GPHN: variants seen among roughly 807,000 people sequenced by gnomAD.
The protein encoded by GPHN is gephyrin.
In GPHN, 17 loss-of-function variants were observed where a neutral mutation model predicts 95.5. The observed-to-expected ratio is 0.18, with a 90% CI of 0.12 to 0.27. GPHN has a LOEUF of 0.27. GPHN is among the 10% of genes least tolerant of loss of function. GPHN has a pLI of 1.00. For synonymous variants in GPHN, 320 were observed against 322.5 expected (o/e 0.99, Z 0.08); for missense variants, 660 against 978.1 (o/e 0.67, Z 4.34).
At chr14:67,270,201 G>C in the GPHN span, 1 of 152,104 alleles carries the variant, frequency 6.6e-6, no homozygotes, top group African/African-American at 2.4e-5. Context: ...ATTTGCACTT[G>C]TTGTGAAGCT....
intron 2 of GPHN, among the ~76,000 whole-genome samples, chr14:66,743,685 T>G (rs2073000113): frequency 6.6e-6 from 1 of 152,180 alleles, no homozygotes; most frequent in African/African-American, 2.4e-5. Context: ...GTGCTTGCAG[T>G]GAGCGGAGAT....
At chr14:66,607,664 T>C (rs1051383918) in intron 1 of GPHN, among the ~76,000 whole-genome samples, 11 of 151,986 alleles carry the variant, frequency 7.2e-5, no homozygotes, top group African/African-American at 2.7e-4. Flanking sequence ...TTTTAATTAC[T>C]GACTCAAATT....
chr14:67,358,208 T>C, the GPHN span, among the ~76,000 whole-genome samples: 1 of 152,174 alleles, frequency 6.6e-6, no homozygotes, highest in Admixed American at 6.5e-5. Context: ...AGTCATCACG[T>C]CCTAGGAGTT....
chr14:67,578,132 G>A, the GPHN span: 2 of 1,613,974 alleles, frequency 1.2e-6, no homozygotes, highest in Non-Finnish European at 1.7e-6. The surrounding 1 kb of genome is among the most constrained non-coding windows in gnomAD (Gnocchi z 5.0). Flanking sequence ...GAGCTGCAGA[G>A]TGAGATCTAC....
At chr14:67,427,493 TCTGGAATCCCAACACC>T in the GPHN span, among the ~76,000 whole-genome samples, 2 of 152,280 alleles carry the variant, frequency 1.3e-5, no homozygotes, top group Admixed American at 1.3e-4. Flanking sequence ...GTCGTTGTTC[TCTGGAATCCCAACACC>T]CTGCCGCGAA....
chr14:67,687,424 ATTCTCCTCC>A, the GPHN span, among the ~76,000 whole-genome samples: 1 of 148,446 alleles, frequency 6.7e-6, no homozygotes, highest in South Asian at 2.1e-4. Flanking sequence ...ACCTTTGTAC[ATTCTCCTCC>A]TTCTGCCTGG....
chr14:66,871,926 A>C (rs2063455463), intron 4 of GPHN, among the ~76,000 whole-genome samples: 1 of 152,170 alleles, frequency 6.6e-6, no homozygotes, highest in African/African-American at 2.4e-5. Flanking sequence ...TGTATACCGG[A>C]GCTTAAAGTA....
At chr14:66,879,329 T>C (rs918328438) in intron 4 of GPHN, among the ~76,000 whole-genome samples, 2 of 145,802 alleles carry the variant, frequency 1.4e-5, no homozygotes, top group Non-Finnish European at 3.0e-5. Context: ...GTTCTGCACA[T>C]GTACCCCAGA....
chr14:67,165,914 G>T (rs2140012437), intron 20 of GPHN, among the ~76,000 whole-genome samples: 1 of 152,258 alleles, frequency 6.6e-6, no homozygotes, highest in East Asian at 1.9e-4. Flanking sequence ...TAAAGTCATG[G>T]TGAATCTTGA....
At chr14:66,598,436 C>T (rs1231506429) in intron 1 of GPHN, among the ~76,000 whole-genome samples, 1 of 151,990 alleles carries the variant, frequency 6.6e-6, no homozygotes, top group African/African-American at 2.4e-5. Flanking sequence ...AGTTAATTTG[C>T]CCATAGTTTT....
chr14:67,168,820 A>G, intron 20 of GPHN, 113 bp from the exon 21 acceptor site: 4 of 768,110 alleles, frequency 5.2e-6, no homozygotes, highest in Non-Finnish European at 7.0e-6. Flanking sequence ...GAAGAGGAAA[A>G]ATAGTGCCTA....
At chr14:66,776,340 C>T in intron 2 of GPHN, 124 bp from the exon 3 acceptor site, 3 of 737,192 alleles carry the variant, frequency 4.1e-6, no homozygotes, top group Non-Finnish European at 7.5e-6. Flanking sequence ...GTTGTTTTTC[C>T]TCCATGGTTG....
chr14:67,727,470 CT>C, the GPHN span: 1 of 298,260 alleles, frequency 3.4e-6, no homozygotes, highest in Non-Finnish European at 6.5e-6. Context: ...CAGACAGAGG[CT>C]TTTTGTTTTT....
At chr14:67,129,050 G>C (rs2079521043) in intron 17 of GPHN, among the ~76,000 whole-genome samples, 1 of 151,748 alleles carries the variant, frequency 6.6e-6, no homozygotes, top group Non-Finnish European at 1.5e-5. Context: ...CTGACCTCAG[G>C]TGTTCCACCT....
chr14:67,008,963 G>T (rs867342546), intron 9 of GPHN, among the ~76,000 whole-genome samples: 5 of 152,118 alleles, frequency 3.3e-5, no homozygotes, highest in Non-Finnish European at 7.4e-5. Flanking sequence ...GAAGGTTGAA[G>T]TAAAAAATGT....
the GPHN span, among the ~76,000 whole-genome samples, chr14:67,234,774 T>C: frequency 6.7e-6 from 1 of 148,324 alleles, no homozygotes. Flanking sequence ...GGTCTCGAAC[T>C]CCTGACCTCA....
intron 3 of GPHN, among the ~76,000 whole-genome samples, chr14:66,787,443 C>G (rs1380944510): frequency 6.6e-6 from 1 of 152,010 alleles, no homozygotes; most frequent in African/African-American, 2.4e-5. Context: ...AATGCTATAC[C>G]CTGGCAAGTG....
the GPHN span, among the ~76,000 whole-genome samples, chr14:67,445,574 A>ATTTTTTTTT: frequency 2.0e-5 from 2 of 98,672 alleles, no homozygotes; most frequent in Non-Finnish European, 4.0e-5. Flanking sequence ...AAGAGAGGCA[A>ATTTTTTTTT]TTCTTTTTTT....
the GPHN span, among the ~76,000 whole-genome samples, chr14:67,490,378 G>C: frequency 2.6e-5 from 4 of 152,206 alleles, no homozygotes; most frequent in Non-Finnish European, 5.9e-5. Context: ...CCAACATCAC[G>C]CAAGGAAGAC....
Sources: gnomAD v4.1 joint callset for allele counts (sites outside exome capture counted in the v4.1 genomes callset) on GRCh38, gnomAD v4.1.1 for gene constraint, Gnocchi (gnomAD v3.1) non-coding constraint, MANE v1.5 for transcripts, NCBI Gene and HGNC (gene_info 2026-07-23, HGNC 2026-07-21) for gene names.